The following FRMD4B variants were observed in gnomAD, a reference collection of about 807,000 sequenced individuals.
The protein encoded by FRMD4B is FERM domain containing 4B.
Under a neutral mutation model 141.5 loss-of-function variants are expected in FRMD4B, and 74 were observed. That is an observed-to-expected ratio of 0.52 (90% CI 0.43 to 0.63). The LOEUF is 0.63. FRMD4B is among the 30% of genes least tolerant of loss of function. The pLI, the probability that FRMD4B is intolerant of heterozygous loss-of-function variation, is 0.00. For synonymous variants in FRMD4B, 506 were observed against 467.9 expected, an observed-to-expected ratio of 1.08 and a Z score of -1.05; for missense variants, 1,366 against 1,253.4, an observed-to-expected ratio of 1.09 and a Z score of -1.36.
intron 7 of FRMD4B, among the ~76,000 whole-genome samples, chr3:69,225,640 A>G (rs1403716401): frequency 1.6e-5 from 2 of 128,064 alleles, no homozygotes; most frequent in African/African-American, 5.7e-5. Context: ...GCTTGCAGTG[A>G]GCCGAGATCA....
At chr3:69,510,539 C>A (rs1706671660) in intron 1 of FRMD4B, among the ~76,000 whole-genome samples, 1 of 152,134 alleles carries the variant, frequency 6.6e-6, no homozygotes, top group Non-Finnish European at 1.5e-5. Context: ...ATTTAACTTT[C>A]AAATTCTCAG....
At chr3:69,497,864 G>A (rs565725985) in intron 1 of FRMD4B, among the ~76,000 whole-genome samples, 1 of 152,248 alleles carries the variant, frequency 6.6e-6, no homozygotes, top group Admixed American at 6.5e-5. Flanking sequence ...GGGACTACAG[G>A]CACATGCCAC....
At chr3:69,536,477 C>A in intron 1 of FRMD4B, 1 of 700,468 alleles carries the variant, frequency 1.4e-6, no homozygotes. Flanking sequence ...TTGACGGCCA[C>A]CGCCAACGTG....
chr3:69,341,451 A>G (rs957847609), intron 1 of FRMD4B, among the ~76,000 whole-genome samples: 2 of 152,212 alleles, frequency 1.3e-5, no homozygotes, highest in Non-Finnish European at 2.9e-5. Flanking sequence ...TGCTAAAGGT[A>G]TGATTCCTGC....
chr3:69,481,583 G>A (rs1706125837), intron 1 of FRMD4B, among the ~76,000 whole-genome samples: 1 of 152,146 alleles, frequency 6.6e-6, no homozygotes, highest in Non-Finnish European at 1.5e-5. Flanking sequence ...TGGAAAGGAG[G>A]TACTCAGGGG....
At chr3:69,336,402 T>G (rs550257788) in intron 1 of FRMD4B, 1 of 152,254 alleles carries the variant, frequency 6.6e-6, no homozygotes, top group East Asian at 1.9e-4. Context: ...TAGGCCATAG[T>G]AAGAAGTATG....
At chr3:69,318,594 A>C (rs1363131994) in intron 1 of FRMD4B, among the ~76,000 whole-genome samples, 1 of 152,190 alleles carries the variant, frequency 6.6e-6, no homozygotes, top group East Asian at 1.9e-4. Context: ...GGTGTTCAGC[A>C]TGTGGAAAGA....
At chr3:69,181,964 G>A (rs908782076) in intron 20 of FRMD4B, among the ~76,000 whole-genome samples, 5 of 152,088 alleles carry the variant, frequency 3.3e-5, no homozygotes, top group East Asian at 3.9e-4. Context: ...TTCCTTGAGG[G>A]TAGGGAAAGA....
At chr3:69,515,938 A>G (rs752987246) in intron 1 of FRMD4B, among the ~76,000 whole-genome samples, 1 of 152,162 alleles carries the variant, frequency 6.6e-6, no homozygotes, top group African/African-American at 2.4e-5. Context: ...TGCTCCCAAA[A>G]GATAGCCATG....
intron 5 of FRMD4B, among the ~76,000 whole-genome samples, chr3:69,276,614 T>G (rs1460935099): frequency 9.2e-5 from 14 of 152,166 alleles, no homozygotes; most frequent in Non-Finnish European, 1.5e-5. Flanking sequence ...TGCATTGGCT[T>G]TCAAGAGAAC....
At chr3:69,483,058 A>G (rs1192423643) in intron 1 of FRMD4B, among the ~76,000 whole-genome samples, 1 of 152,222 alleles carries the variant, frequency 6.6e-6, no homozygotes, top group Admixed American at 6.5e-5. Flanking sequence ...TTCCTTTGAG[A>G]GTAGGCATGT....
intron 20 of FRMD4B, among the ~76,000 whole-genome samples, chr3:69,182,115 G>A (rs2092714860): frequency 6.6e-6 from 1 of 152,194 alleles, no homozygotes. Flanking sequence ...GGTCAGAGGT[G>A]GCTGGGCTGA....
chr3:69,260,291 G>T (rs1434378280), intron 5 of FRMD4B, among the ~76,000 whole-genome samples: 1 of 152,220 alleles, frequency 6.6e-6, no homozygotes. Flanking sequence ...GGGAACCAGG[G>T]CTGTGCACCG....
chr3:69,341,372 T>C (rs997892599), intron 1 of FRMD4B, among the ~76,000 whole-genome samples: 4 of 152,176 alleles, frequency 2.6e-5, no homozygotes, highest in Non-Finnish European at 5.9e-5. Flanking sequence ...CCCACTAGAG[T>C]GACCTTACTC....
intron 2 of FRMD4B, among the ~76,000 whole-genome samples, chr3:69,428,361 A>G (rs1018674494): frequency 6.7e-6 from 1 of 149,270 alleles, no homozygotes; most frequent in Admixed American, 6.6e-5. Context: ...ATGAGTTAAC[A>G]CTTGTAAAGT....
intron 2 of FRMD4B, among the ~76,000 whole-genome samples, chr3:69,429,155 C>T (rs1386098266): frequency 6.6e-6 from 1 of 152,186 alleles, no homozygotes; most frequent in Non-Finnish European, 1.5e-5. Context: ...CCACTTCTCT[C>T]CTATCAACAA....
chr3:69,420,579 G>A (rs1028429755), intron 2 of FRMD4B, among the ~76,000 whole-genome samples: 3 of 152,140 alleles, frequency 2.0e-5, no homozygotes, highest in African/African-American at 7.2e-5. Context: ...GAGATGTTCG[G>A]GTTTCAAATG....
chr3:69,512,878 TA>T (rs1209499227), intron 1 of FRMD4B, among the ~76,000 whole-genome samples: 2 of 152,048 alleles, frequency 1.3e-5, no homozygotes, highest in Non-Finnish European at 2.9e-5. Flanking sequence ...AAAATCAAAA[TA>T]TTACACACCA....
intron 7 of FRMD4B, 104 bp downstream of exon 7, chr3:69,249,122 A>G: frequency 2.8e-6 from 2 of 715,406 alleles, no homozygotes; most frequent in South Asian, 1.7e-5. Context: ...TGCCTTACAG[A>G]TCTACTTTCC....
Sources: gnomAD v4.1 joint callset for allele counts (sites outside exome capture counted in the v4.1 genomes callset) on GRCh38, gnomAD v4.1.1 for gene constraint, MANE v1.5 for transcripts, NCBI Gene and HGNC (gene_info 2026-07-23, HGNC 2026-07-21) for gene names.